SVEP1: variants seen among roughly 807,000 people sequenced by gnomAD.
The protein encoded by SVEP1 is sushi, von Willebrand factor type A, EGF and pentraxin domain containing 1, also known as sushi, von Willebrand factor type A, EGF and pentraxin domain-containing protein 1.
SVEP1 carries 164 observed loss-of-function variants against 367.3 expected under a neutral mutation model. That is an observed-to-expected ratio of 0.45 (90% CI 0.39 to 0.51). The LOEUF (loss-of-function observed/expected upper bound fraction) is 0.51. Among genes scored for constraint, SVEP1 ranks in the 20% least tolerant of loss-of-function variants. SVEP1 has a pLI of 0.00. For missense variants in SVEP1, 4,117 were observed against 4,425.3 expected (o/e 0.93, Z 1.98); for synonymous variants, 1,666 against 1,611.6 (o/e 1.03, Z -0.81).
chr9:110,442,450 CTTTCT>C (rs1035246779), intron 27 of SVEP1: 1 of 145,124 alleles, frequency 6.9e-6, no homozygotes, highest in Non-Finnish European at 1.5e-5. Flanking sequence ...ACAATAATTT[CTTTCT>C]TTTTTCTTTT....
chr9:110,399,688 C>G (rs1176312423), intron 40 of SVEP1, among the ~76,000 whole-genome samples: 2 of 152,002 alleles, frequency 1.3e-5, no homozygotes, highest in African/African-American at 2.4e-5. Flanking sequence ...CACATTCCAT[C>G]ACGCCTGGCC....
chr9:110,557,347 T>C (rs1407786701), intron 1 of SVEP1, among the ~76,000 whole-genome samples: 3 of 152,212 alleles, frequency 2.0e-5, no homozygotes, highest in African/African-American at 7.2e-5. Context: ...TTTATACAGT[T>C]CTCACTTTAT....
At chr9:110,558,401 C>T (rs1456612666) in intron 1 of SVEP1, among the ~76,000 whole-genome samples, 2 of 148,250 alleles carry the variant, frequency 1.3e-5, no homozygotes, top group Non-Finnish European at 3.0e-5. Context: ...GTAGTCCCAG[C>T]TACTTGGGTG....
intron 22 of SVEP1, among the ~76,000 whole-genome samples, chr9:110,451,955 G>A (rs567484984): frequency 6.6e-6 from 1 of 152,280 alleles, no homozygotes; most frequent in South Asian, 2.1e-4. Flanking sequence ...ATCCAAAGAG[G>A]TCTGTGACAT....
At chr9:110,516,083 G>GCTAAATGATTATAATATA (rs1829798240) in intron 3 of SVEP1, among the ~76,000 whole-genome samples, 1 of 133,160 alleles carries the variant, frequency 7.5e-6, no homozygotes, top group Non-Finnish European at 1.6e-5. Context: ...GGATGCTAAA[G>GCTAAATGATTATAATATA]CTAAATCATT....
intron 22 of SVEP1, among the ~76,000 whole-genome samples, chr9:110,452,500 G>A (rs1170301704): frequency 1.3e-5 from 2 of 152,164 alleles, no homozygotes; most frequent in African/African-American, 4.8e-5. Context: ...CGGTGGAGAG[G>A]AAAGAGCATG....
chr9:110,569,829 A>G (rs1262239934), intron 1 of SVEP1, among the ~76,000 whole-genome samples: 1 of 152,248 alleles, frequency 6.6e-6, no homozygotes, highest in Non-Finnish European at 1.5e-5. Context: ...AAATAACTAT[A>G]TGCTCTGAAC....
chr9:110,460,109 C>T (rs563562127), intron 18 of SVEP1, among the ~76,000 whole-genome samples: 12 of 151,918 alleles, frequency 7.9e-5, no homozygotes, highest in African/African-American at 2.9e-4. Flanking sequence ...GTAGTTTTAT[C>T]GTTAGTATTT....
At chr9:110,535,671 T>C (rs540696499) in intron 3 of SVEP1, among the ~76,000 whole-genome samples, 3 of 150,112 alleles carry the variant, frequency 2.0e-5, no homozygotes, top group East Asian at 3.9e-4. Flanking sequence ...GTTTGTGTCA[T>C]CTCTGATTTC....
At position 110,578,977 on chromosome 9, in the gene SVEP1, G is replaced by C. The variant is rs939308799; in HGVS notation, c.531+36C>G. 2.6e-6 allele frequency: 4 copies of C among 1,541,922 alleles called. No homozygotes were observed. In the East Asian group the frequency reaches 9.8e-5, roughly 38 times the overall value. ...GCAGCGGTGGGTCGAAGGGCCCGGG[G>C]ACTAGGGCCCGGGTCGGGAGGGGCG... On this transcript the variant is annotated intron_variant, in intron 1 of 47. Transcript: ENST00000374469.
chr9:110,384,402 T>A (rs1278205616), intron 43 of SVEP1, among the ~76,000 whole-genome samples: 1 of 151,926 alleles, frequency 6.6e-6, no homozygotes, highest in Non-Finnish European at 1.5e-5. Context: ...CAGTTGCCGG[T>A]GCAGGATTCA....
chr9:110,414,009 T>C (rs1198680733), intron 36 of SVEP1, among the ~76,000 whole-genome samples: 2 of 152,026 alleles, frequency 1.3e-5, no homozygotes, highest in East Asian at 1.9e-4. Flanking sequence ...AGCAGCAGAA[T>C]TGGGATCAGA....
chr9:110,433,922 C>T (rs1828391961), intron 30 of SVEP1, among the ~76,000 whole-genome samples: 1 of 151,994 alleles, frequency 6.6e-6, no homozygotes, highest in South Asian at 2.1e-4. Context: ...GGAGCTTTTT[C>T]CCCTGAACTG....
At chr9:110,507,105 T>C (rs1027789532) in intron 5 of SVEP1, among the ~76,000 whole-genome samples, 1 of 152,092 alleles carries the variant, frequency 6.6e-6, no homozygotes, top group Non-Finnish European at 1.5e-5. Context: ...TGATAGATTA[T>C]AGATAGAACC....
intron 7 of SVEP1, 36 bp downstream of exon 7, chr9:110,499,005 A>T: frequency 6.3e-7 from 1 of 1,579,944 alleles, no homozygotes; most frequent in Non-Finnish European, 8.6e-7. Flanking sequence ...AATATTAAAA[A>T]ATTTGATTTT....
chr9:110,577,681 T>G (rs1368379726), intron 1 of SVEP1, among the ~76,000 whole-genome samples: 1 of 152,034 alleles, frequency 6.6e-6, no homozygotes, highest in Admixed American at 6.5e-5. Flanking sequence ...GAAAAACATT[T>G]GCAACATATA....
chr9:110,491,590 G>GTGTGTGT, intron 8 of SVEP1, among the ~76,000 whole-genome samples: 1 of 147,838 alleles, frequency 6.8e-6, no homozygotes, highest in East Asian at 2.0e-4. Context: ...TATAGAATGG[G>GTGTGTGT]GTGTGTGTGT....
At chr9:110,387,506 C>G (rs373456114) in intron 41 of SVEP1, 48 bp from the exon 42 acceptor site, 4 of 1,503,634 alleles carry the variant, frequency 2.7e-6, no homozygotes, top group Non-Finnish European at 3.5e-6. Context: ...CCCAATTCCT[C>G]TTTCCTTCTT....
chr9:110,387,862 T>A (rs560184819), intron 41 of SVEP1, among the ~76,000 whole-genome samples: 4 of 152,230 alleles, frequency 2.6e-5, no homozygotes, highest in Non-Finnish European at 4.4e-5. Context: ...CCCTGTTAAA[T>A]TTCAGTATCA....
Sources: gnomAD v4.1 joint callset for allele counts (sites outside exome capture counted in the v4.1 genomes callset) on GRCh38, gnomAD v4.1.1 for gene constraint, MANE v1.5 for transcripts, NCBI Gene and HGNC (gene_info 2026-07-23, HGNC 2026-07-21) for gene names.